Variants in PPP4R1 observed in about 807,000 individuals in gnomAD.
PPP4R1 encodes serine/threonine-protein phosphatase 4 regulatory subunit 1.
A neutral mutation model predicts 111.2 loss-of-function variants in PPP4R1; 42 were observed. The observed-to-expected ratio is 0.38, with a 90% CI of 0.29 to 0.49. The LOEUF (loss-of-function observed/expected upper bound fraction) is 0.49, where lower values mean the gene tolerates loss of function less well. Ranked by LOEUF, PPP4R1 falls within the 20% of genes least tolerant of loss-of-function variation. The probability of loss-of-function intolerance (pLI) is 0.97; values close to 1 mark genes in which losing one functional copy is unlikely to be tolerated. For synonymous variants in PPP4R1, 409 were observed against 405.5 expected, an observed-to-expected ratio of 1.01 and a Z score of -0.10; for missense variants, 1,012 against 1,161.6, an observed-to-expected ratio of 0.87 and a Z score of 1.87.
chr18:9,549,412 C>T, intron 18 of PPP4R1, 74 bp from the exon 19 acceptor site: 1 of 1,531,928 alleles, frequency 6.5e-7, no homozygotes. Flanking sequence ...CTAACAAAAT[C>T]TCTGAGTGAC....
At chr18:9,554,343 GGTCTCGATCTCCT>G (rs1350328022) in intron 15 of PPP4R1, among the ~76,000 whole-genome samples, 2 of 151,944 alleles carry the variant, frequency 1.3e-5, no homozygotes, top group African/African-American at 4.8e-5. Flanking sequence ...TAGCCAGGAT[GGTCTCGATCTCCT>G]GACCTCAGGT....
chr18:9,559,471 T>C lies in PPP4R1; in HGVS notation c.1976A>G (p.Gln659Arg), dbSNP rs986214315. 6.2e-7 allele frequency: 1 copy of C among 1,613,694 alleles called. No homozygotes were observed. The highest frequency in any genetic ancestry group is 1.3e-5 in the African/African-American group (1 of 74,926). Residue 659 changes from glutamine to arginine, a missense_variant, in exon 14 of 20, where the codon CAG becomes CGG. Coordinates refer to ENST00000400556, the MANE Select transcript of PPP4R1 (RefSeq NM_001042388.3). ...LPGVALTLGR[Q>R]NWHCLRETYE... ...CGTCTCTCTCAGGCAGTGCCAATTC[T>C]GTCTTCCGAGTGTCAAGGCCACACC... is the stretch of plus-strand genomic sequence containing the variant.
rs1461517912 is a variant in PPP4R1, at chr18:9,562,065, G to A, written c.1757C>T (p.Ser586Phe). The A allele has an allele frequency of 6.2e-7, 1 of 1,610,162 alleles. No homozygotes were observed. Among genetic ancestry groups the A allele is most frequent in the Non-Finnish European group, 8.5e-7 (1 of 1,176,694 alleles). The change falls in exon 13 of 20, where the codon TCC (serine) becomes TTC (phenylalanine). Residue 586 changes from serine to phenylalanine, a missense_variant. Coordinates refer to ENST00000400556, the MANE Select transcript of PPP4R1 (RefSeq NM_001042388.3). ...LISDAVENMD[S>F]TLHYIHSDSD... is the part of the protein sequence containing the mutation. ...ATCGCTGTGAATATAGTGAAGAGTGGAGTCCATATTCTGTTAGGAAAAAAT... is the reference window on the plus strand; with the variant it reads ...ATCGCTGTGAATATAGTGAAGAGTGAAGTCCATATTCTGTTAGGAAAAAAT...
chr18:9,615,226 C>T (rs1172835818), upstream of PPP4R1: 2 of 152,258 alleles, frequency 1.3e-5, no homozygotes, highest in African/African-American at 2.4e-5. Context: ...AAGGCTGGGG[C>T]GCCGGGTTTT....
chr18:9,562,901 G>A, intron 12 of PPP4R1: 2 of 986,586 alleles, frequency 2.0e-6, no homozygotes, highest in Non-Finnish European at 2.4e-6. Flanking sequence ...CAGTGAAGAT[G>A]ATGCTAGGAT....
chr18:9,614,019 G>A lies in PPP4R1; in HGVS notation c.52+207C>T, dbSNP rs375163969. On this transcript the variant is annotated intron_variant, in intron 2 of 19. Coordinates refer to ENST00000400556, the MANE Select transcript of PPP4R1 (RefSeq NM_001042388.3). The surrounding 1 kb of genome is among the most constrained non-coding windows in gnomAD (Gnocchi z 4.1). ...AAAGCGAACTTGGGCGTTACTCCGG[G>A]CGTCTCCCTCCCCCAGCGGAACCTG... 2.1e-4 allele frequency: 67 copies of A among 318,462 alleles called. 1 individual carries two copies. In the South Asian group the frequency reaches 8.1e-3, roughly 38 times the overall value. 19.7% of individuals were successfully genotyped at this position (318,462 alleles called of 1,614,324 possible).
At chr18:9,553,287 TC>T in intron 16 of PPP4R1, 34 bp downstream of exon 16, 1 of 1,466,204 alleles carries the variant, frequency 6.8e-7, no homozygotes. Flanking sequence ...TATATACCCC[TC>T]CAAAACATAA....
At chr18:9,586,457 G>T (rs181693324) in intron 6 of PPP4R1, among the ~76,000 whole-genome samples, 54 of 152,208 alleles carry the variant, frequency 3.5e-4, no homozygotes, top group Non-Finnish European at 6.5e-4. Flanking sequence ...GGAAGAAGTG[G>T]TGGTTATACA....
chr18:9,612,028 T>A (rs1598972542), intron 2 of PPP4R1, among the ~76,000 whole-genome samples: 1 of 144,236 alleles, frequency 6.9e-6, no homozygotes, highest in African/African-American at 2.6e-5. Flanking sequence ...AAAAAAAAAA[T>A]TTAGTTGCGA....
chr18:9,598,146 A>G (rs1392286309), intron 2 of PPP4R1, among the ~76,000 whole-genome samples: 1 of 152,168 alleles, frequency 6.6e-6, no homozygotes, highest in African/African-American at 2.4e-5. Context: ...CAGAAAAAAT[A>G]TGGGGGAGGA....
intron 10 of PPP4R1, among the ~76,000 whole-genome samples, chr18:9,576,222 G>A (rs528959306): frequency 6.6e-6 from 1 of 152,210 alleles, no homozygotes; most frequent in African/African-American, 2.4e-5. Flanking sequence ...AGAAGAAAAT[G>A]TCCATTAGCA....
intron 10 of PPP4R1, among the ~76,000 whole-genome samples, chr18:9,576,467 TCAC>T (rs2066937237): frequency 6.6e-6 from 1 of 151,998 alleles, no homozygotes; most frequent in Non-Finnish European, 1.5e-5. Context: ...AAAATAAAAA[TCAC>T]AGCCGACTCT....
chr18:9,562,527 C>T (rs2066694707), intron 12 of PPP4R1, among the ~76,000 whole-genome samples: 1 of 152,106 alleles, frequency 6.6e-6, no homozygotes, highest in Admixed American at 6.5e-5. Context: ...ACATAAACAC[C>T]TTCTAAAATG....
At chr18:9,602,898 G>C (rs2067415254) in intron 2 of PPP4R1, among the ~76,000 whole-genome samples, 1 of 152,042 alleles carries the variant, frequency 6.6e-6, no homozygotes, top group Admixed American at 6.6e-5. Context: ...GATTTTTAAG[G>C]TAAGAGAGAT....
chr18:9,609,112 T>C (rs1402444053), intron 2 of PPP4R1, among the ~76,000 whole-genome samples: 1 of 152,176 alleles, frequency 6.6e-6, no homozygotes. Context: ...TATCATTAAT[T>C]GATCCAACAC....
At chr18:9,561,020 C>A (rs2066665485) in intron 13 of PPP4R1, among the ~76,000 whole-genome samples, 1 of 151,762 alleles carries the variant, frequency 6.6e-6, no homozygotes. Context: ...GAGTTCATGA[C>A]CAGCCTGGCC....
rs1279219931 is a variant in PPP4R1, at chr18:9,547,724, C to T, written c.*65G>A. ...CCCGAAAGCTATCCCAGGTCACATG[C>T]GTGGCGAATGCCCACTGAACCTCGG... is the stretch of plus-strand genomic sequence containing the variant. On this transcript the variant is annotated 3_prime_UTR_variant, in exon 20 of 20. Transcript: ENST00000400556. The T allele has an allele frequency of 3.4e-5, 54 of 1,573,670 alleles. No homozygotes were observed. Among genetic ancestry groups the T allele is most frequent in the Admixed American group, 2.5e-4 (15 of 59,580 alleles).
intron 13 of PPP4R1, among the ~76,000 whole-genome samples, chr18:9,561,701 T>C (rs2066680434): frequency 6.6e-6 from 1 of 152,186 alleles, no homozygotes; most frequent in South Asian, 2.1e-4. Flanking sequence ...AAGAGGCACA[T>C]GTGTATGTTT....
At chr18:9,567,537 C>G (rs2066788796) in intron 11 of PPP4R1, among the ~76,000 whole-genome samples, 1 of 152,148 alleles carries the variant, frequency 6.6e-6, no homozygotes. Flanking sequence ...CAAACTTGAA[C>G]AAATGCCTCT....
Sources: allele counts gnomAD v4.1 joint callset (sites outside exome capture counted in the v4.1 genomes callset), GRCh38; gene constraint gnomAD v4.1.1; non-coding constraint Gnocchi (gnomAD v3.1); transcripts MANE v1.5; gene names NCBI Gene and HGNC (gene_info 2026-07-23, HGNC 2026-07-21).